Variants in SPAG9 observed in about 807,000 individuals in gnomAD.
SPAG9 encodes the protein sperm associated antigen 9, also known as C-Jun-amino-terminal kinase-interacting protein 4.
In SPAG9, 35 loss-of-function variants were observed where a neutral mutation model predicts 166.5. The ratio of observed to expected loss-of-function variants is 0.21; its 90% CI spans 0.16 to 0.28. SPAG9 has a LOEUF of 0.28. Among genes scored for constraint, SPAG9 ranks in the 10% least tolerant of loss-of-function variants. The pLI is 1.00. For synonymous variants in SPAG9, 534 were observed against 565.5 expected (o/e 0.94, Z 0.79); for missense variants, 1,235 against 1,603.3 (o/e 0.77, Z 3.92).
chr17:51,004,355 C>T (rs1396831496), intron 12 of SPAG9, among the ~76,000 whole-genome samples: 1 of 152,172 alleles, frequency 6.6e-6, no homozygotes, highest in Non-Finnish European at 1.5e-5. Context: ...TACTAAAAAA[C>T]AGAGACTGAA....
At chr17:51,099,759 T>TAAAAAA (rs58721041) in intron 1 of SPAG9, among the ~76,000 whole-genome samples, 14 of 43,636 alleles carry the variant, frequency 3.2e-4, no homozygotes, top group South Asian at 9.4e-4. Flanking sequence ...CTTCTATTAC[T>TAAAAAA]AAAAAAAAAA....
chr17:51,052,439 A>C (rs1335429172), intron 3 of SPAG9, among the ~76,000 whole-genome samples: 1 of 152,206 alleles, frequency 6.6e-6, no homozygotes, highest in Non-Finnish European at 1.5e-5. Context: ...GCAAAACAAA[A>C]TATAGGGAGC....
chr17:51,018,652 G>A (rs980545962), intron 8 of SPAG9, among the ~76,000 whole-genome samples: 3 of 152,140 alleles, frequency 2.0e-5, no homozygotes, highest in Non-Finnish European at 4.4e-5. Context: ...AAGTGCTAGG[G>A]GGAGGGGCCC....
intron 26 of SPAG9, among the ~76,000 whole-genome samples, chr17:50,978,604 T>C (rs1962693203): frequency 2.0e-5 from 3 of 152,128 alleles, no homozygotes; most frequent in Admixed American, 2.0e-4. Context: ...ACAATAATGA[T>C]AAGCCCATGA....
At position 50,993,948 on chromosome 17, in the gene SPAG9, A is replaced by G. The variant is rs1975837325; in HGVS notation, c.2227-13T>C. 4 of 1,611,080 alleles carry G rather than the reference A, an allele frequency of 2.5e-6. No homozygotes were observed. The highest frequency in any genetic ancestry group is 3.4e-6 in the Non-Finnish European group (4 of 1,177,842). On this transcript the variant is annotated splice_polypyrimidine_tract_variant and intron_variant, in intron 18 of 29. Coordinates refer to ENST00000262013, the MANE Select transcript of SPAG9 (RefSeq NM_001130528.3). ...CCTTCTGCTGTTCCTGTATAGGCAA[A>G]GGAGGAAAAATGTTTAAAACAATAT... is the stretch of plus-strand genomic sequence containing the variant.
intron 2 of SPAG9, among the ~76,000 whole-genome samples, chr17:51,077,097 T>TAG (rs1568065850): frequency 1.7e-5 from 2 of 115,668 alleles, no homozygotes; most frequent in Admixed American, 8.3e-5. Context: ...TAGCTATCTA[T>TAG]CTAGCTAGCT....
At position 51,018,350 on chromosome 17, in the gene SPAG9, C is replaced by G. The variant is rs929863039; in HGVS notation, c.1091+1809G>C. 5.3e-5 allele frequency among the ~76,000 whole-genome samples: 8 copies of G among 151,480 alleles called. 1 individual carries two copies. The highest frequency in any genetic ancestry group is 1.5e-4 in the African/African-American group (6 of 41,268). On this transcript the variant is annotated intron_variant, in intron 8 of 29. Coordinates refer to ENST00000262013, the MANE Select transcript of SPAG9 (RefSeq NM_001130528.3). ...ACTGCATCCAGCCTAGGCGACAGAG[C>G]AAGACTGCATCTCAAAAAAAAAAAG... is the stretch of plus-strand genomic sequence containing the variant.
At chr17:51,043,443 G>A (rs1481648017) in intron 4 of SPAG9, among the ~76,000 whole-genome samples, 1 of 152,024 alleles carries the variant, frequency 6.6e-6, no homozygotes, top group Non-Finnish European at 1.5e-5. Flanking sequence ...GTTCTTTCTT[G>A]AAAATGACTG....
At chr17:51,042,587 G>T (rs535342769) in intron 4 of SPAG9, 2 of 152,290 alleles carry the variant, frequency 1.3e-5, no homozygotes, top group South Asian at 4.1e-4. Context: ...AAAACAATGA[G>T]CTCATTAATT....
Position 51,001,845 on chromosome 17 carries a change from T to A in SPAG9, c.1477A>T (p.Ser493Cys), listed in dbSNP as rs756431094. The part of the protein sequence containing the change: ...ARQKAKDDDD[S>C]DIPTAQRKRF... ...TTCCTCTGGGCTGTGGGAATATCAC[T>A]CTATAATGACAAGAAAATGACATAT... The change falls in exon 13 of 30, where the codon AGT (serine) becomes TGT (cysteine). Residue 493 changes from serine to cysteine, a missense_variant and splice_region_variant. This residue lies in a region of SPAG9 where 125 missense variants were observed against 194.0 expected (regional missense o/e 0.64). Transcript: ENST00000262013. The A allele has an allele frequency of 6.2e-7, 1 of 1,611,534 alleles. No individual in the cohort carries two copies. The highest frequency in any genetic ancestry group is 1.7e-5 in the Admixed American group (1 of 59,366).
At chr17:51,036,978 G>A (rs562650866) in intron 5 of SPAG9, among the ~76,000 whole-genome samples, 9 of 152,234 alleles carry the variant, frequency 5.9e-5, no homozygotes, top group Non-Finnish European at 1.2e-4. Context: ...GACTGTCTTG[G>A]TTATACTTGG....
At chr17:51,012,959 G>A (rs2045552606) in intron 9 of SPAG9, among the ~76,000 whole-genome samples, 2 of 151,928 alleles carry the variant, frequency 1.3e-5, no homozygotes, top group Non-Finnish European at 2.9e-5. Flanking sequence ...TCGAACTCCT[G>A]AGCTCAAGCG....
In SPAG9 at chr17:51,026,674, C is replaced by CTT. The variant is rs35339612; in HGVS notation, c.783+5005_783+5006dup. ...GGTTGAGCCCTTTTCTTTTTCTTTT[C>CTT]TTTTTTTTTTTTTTTTTTGAGACGA... On this transcript the variant is annotated intron_variant, in intron 6 of 29. Coordinates refer to ENST00000262013, the MANE Select transcript of SPAG9 (RefSeq NM_001130528.3). Among the ~76,000 whole-genome samples the CTT allele has an allele frequency of 4.6e-3, 570 of 124,192 alleles. 5 individuals are homozygous for CTT. The highest frequency in any genetic ancestry group is 8.5e-3 in the Middle Eastern group (2 of 234). The allele number at this position is 124,192 out of a possible 152,430, so 81.5% of individuals were successfully genotyped here.
intron 1 of SPAG9, among the ~76,000 whole-genome samples, chr17:51,088,972 A>G (rs2048373937): frequency 6.6e-6 from 1 of 152,000 alleles, no homozygotes; most frequent in South Asian, 2.1e-4. Flanking sequence ...ACCCGCCTGT[A>G]GTCCCAGCTA....
chr17:50,998,919 T>C (rs1373680916), intron 14 of SPAG9, among the ~76,000 whole-genome samples: 4 of 152,206 alleles, frequency 2.6e-5, no homozygotes, highest in Non-Finnish European at 5.9e-5. Flanking sequence ...TGAATAAATA[T>C]ATTTTGGTTT....
intron 2 of SPAG9, among the ~76,000 whole-genome samples, chr17:51,074,876 C>A (rs2047922350): frequency 6.6e-6 from 1 of 151,912 alleles, no homozygotes; most frequent in Non-Finnish European, 1.5e-5. Context: ...CTCAAACAGT[C>A]CCCTAAATTG....
At chr17:51,109,527 G>A (rs1451352629) in intron 1 of SPAG9, among the ~76,000 whole-genome samples, 2 of 151,670 alleles carry the variant, frequency 1.3e-5, no homozygotes, top group African/African-American at 2.4e-5. Flanking sequence ...GAGCCACTGC[G>A]TCCGGCCTCA....
rs148195376 is a variant in SPAG9, at chr17:50,993,869, G to A, written c.2293C>T (p.His765Tyr). ...ATAATAAGAACTTTTGTAGCCGAATGAGTGCTGGTACAGATCCAAACTAGA... is the reference window on the plus strand; with the variant it reads ...ATAATAAGAACTTTTGTAGCCGAATAAGTGCTGGTACAGATCCAAACTAGA... ...SSLVWICTST[H>Y]SATKVLIIDA... is the part of the protein sequence containing the mutation. The change falls in exon 19 of 30, where the codon CAT (histidine) becomes TAT (tyrosine). Residue 765 changes from histidine (H) to tyrosine (Y), a missense_variant. Physicochemically the swap from His to Tyr is moderately conservative, Grantham distance 83. This residue lies in a region of SPAG9 where 493 missense variants were observed against 559.4 expected (regional missense o/e 0.88). Coordinates refer to ENST00000262013, the MANE Select transcript of SPAG9 (RefSeq NM_001130528.3). The A allele has an allele frequency of 3.4e-4, 546 of 1,614,054 alleles. No individual in the cohort carries two copies. Among genetic ancestry groups the A allele is most frequent in the Non-Finnish European group, 4.4e-4 (523 of 1,180,014 alleles).
At chr17:50,995,031 G>T in intron 18 of SPAG9, 26 bp downstream of exon 18, 1 of 1,579,386 alleles carries the variant, frequency 6.3e-7, no homozygotes, top group Non-Finnish European at 8.6e-7. Flanking sequence ...TCATAAACCA[G>T]GTCAAATGTT....
Sources: allele counts gnomAD v4.1 joint callset (sites outside exome capture counted in the v4.1 genomes callset), GRCh38; gene constraint gnomAD v4.1.1; regional missense constraint gnomAD v4.1.1; transcripts MANE v1.5; gene names NCBI Gene and HGNC (gene_info 2026-07-23, HGNC 2026-07-21).